HS6ST2: variants seen among roughly 807,000 people sequenced by gnomAD.
HS6ST2 encodes heparan sulfate 6-O-sulfotransferase 2.
In HS6ST2, 17 loss-of-function variants were observed where a neutral mutation model predicts 33.0. That is an observed-to-expected ratio of 0.52 (90% CI 0.35 to 0.77). HS6ST2 has a LOEUF of 0.77. Among genes scored for constraint, HS6ST2 ranks in the 30% least tolerant of loss-of-function variants. The pLI is 0.01. For missense variants in HS6ST2, 519 were observed against 551.7 expected, an observed-to-expected ratio of 0.94 and a Z score of 0.59; for synonymous variants, 248 against 237.1, an observed-to-expected ratio of 1.05 and a Z score of -0.42.
chrX:132,944,981 A>C (rs2066932254), intron 2 of HS6ST2, among the ~76,000 whole-genome samples: 1 of 112,189 alleles, frequency 8.9e-6, no homozygotes, highest in Non-Finnish European at 1.9e-5. Context: ...AAGCAATGAC[A>C]ACAAAAGCCA....
At chrX:132,705,735 C>T (rs113501536) in intron 3 of HS6ST2, among the ~76,000 whole-genome samples, 1 of 111,689 alleles carries the variant, frequency 9.0e-6, no homozygotes, top group Non-Finnish European at 1.9e-5. Flanking sequence ...AAAGTAGCAG[C>T]GCCAGGATTG....
At chrX:132,957,371 C>A in intron 1 of HS6ST2, 45 bp from the exon 2 acceptor site, 1 of 1,120,397 alleles carries the variant, frequency 8.9e-7, no homozygotes, top group Non-Finnish European at 1.2e-6. Flanking sequence ...CAGCTCAGCC[C>A]GCGCTCGTCG....
At chrX:132,823,524 G>C (rs1279171214) in intron 2 of HS6ST2, among the ~76,000 whole-genome samples, 1 of 109,213 alleles carries the variant, frequency 9.2e-6, no homozygotes, top group Non-Finnish European at 1.9e-5. Context: ...CAGAACAAAT[G>C]AATTTTGGTT....
chrX:132,723,789 T>A (rs759585105), intron 2 of HS6ST2, among the ~76,000 whole-genome samples: 1 of 111,940 alleles, frequency 8.9e-6, no homozygotes, highest in South Asian at 3.7e-4. Flanking sequence ...GTCACCACTG[T>A]TAACCAATAT....
At chrX:132,861,253 T>C (rs970590053) in intron 2 of HS6ST2, among the ~76,000 whole-genome samples, 1 of 112,523 alleles carries the variant, frequency 8.9e-6, no homozygotes, top group Non-Finnish European at 1.9e-5. Context: ...TGTGTCATAA[T>C]ATATTTAATG....
intron 2 of HS6ST2, among the ~76,000 whole-genome samples, chrX:132,948,551 C>T (rs2066978104): frequency 8.9e-6 from 1 of 112,059 alleles, no homozygotes; most frequent in African/African-American, 3.2e-5. Flanking sequence ...TAGTGTAATG[C>T]TCTGAAATGT....
intron 4 of HS6ST2, chrX:132,668,369 A>G (rs756830763): frequency 2.7e-5 from 3 of 110,641 alleles, no homozygotes; most frequent in Non-Finnish European, 5.7e-5. Context: ...GCCATTCACC[A>G]CAGGGTTGAA....
chrX:132,664,829 G>A (rs1187435948), intron 4 of HS6ST2, among the ~76,000 whole-genome samples: 1 of 111,564 alleles, frequency 9.0e-6, no homozygotes, highest in Non-Finnish European at 1.9e-5. Flanking sequence ...CTCAACTTTG[G>A]GCAATTTAAT....
At chrX:132,828,693 TAC>T (rs779585327) in intron 2 of HS6ST2, among the ~76,000 whole-genome samples, 7,722 of 72,526 alleles carry the variant, frequency 0.11, 597 homozygotes, top group Non-Finnish European at 0.12. Flanking sequence ...TATATATATA[TAC>T]ACACACACAC....
intron 2 of HS6ST2, among the ~76,000 whole-genome samples, chrX:132,894,416 C>CTTTGGG (rs2066350750): frequency 9.0e-6 from 1 of 110,836 alleles, no homozygotes; most frequent in Non-Finnish European, 1.9e-5. Context: ...GCTGGAATTA[C>CTTTGGG]AGGTGTGAGC....
chrX:132,632,310 AAG>A (rs1324883912), intron 4 of HS6ST2, among the ~76,000 whole-genome samples: 3 of 111,505 alleles, frequency 2.7e-5, no homozygotes, highest in Admixed American at 9.6e-5. Flanking sequence ...TGTAGAAAGA[AAG>A]AAAGATCTGC....
chrX:132,780,473 A>G (rs983981421), intron 2 of HS6ST2, among the ~76,000 whole-genome samples: 4 of 110,965 alleles, frequency 3.6e-5, no homozygotes, highest in African/African-American at 1.3e-4. Context: ...ATTCCATGAG[A>G]TAGACACTAG....
chrX:132,649,391 C>T, intron 4 of HS6ST2, among the ~76,000 whole-genome samples: 1 of 112,178 alleles, frequency 8.9e-6, no homozygotes, highest in East Asian at 2.8e-4. Flanking sequence ...CAAAAGCCCC[C>T]TAATGTGATT....
At position 132,782,080 on chromosome X, in the gene HS6ST2, T is replaced by C. The variant is rs144301727; in HGVS notation, c.948-73586A>G. Among the ~76,000 whole-genome samples, 1,061 of 111,739 alleles carry C rather than the reference T, an allele frequency of 9.5e-3. 17 individuals are homozygous for C. Among genetic ancestry groups the C allele is most frequent in the African/African-American group, 0.032 (974 of 30,747 alleles). On this transcript the variant is annotated intron_variant, in intron 2 of 4. Transcript: ENST00000370833. ...GAGGAGGGGTGATTCCATGATGAAA[T>C]CCATTTGGGATGCTGAAGTATGTAA...
At chrX:132,785,015 A>G (rs893698528) in intron 2 of HS6ST2, among the ~76,000 whole-genome samples, 4 of 111,852 alleles carry the variant, frequency 3.6e-5, no homozygotes, top group African/African-American at 1.3e-4. Flanking sequence ...GAGTCACTTC[A>G]GATTGCAGGC....
intron 2 of HS6ST2, among the ~76,000 whole-genome samples, chrX:132,812,977 AT>A (rs2065363311): frequency 2.7e-5 from 3 of 110,136 alleles, no homozygotes; most frequent in Admixed American, 9.8e-5. Context: ...GCCAAAATAA[AT>A]GCTCAACTTT....
intron 4 of HS6ST2, among the ~76,000 whole-genome samples, chrX:132,643,209 T>C (rs1305254851): frequency 8.9e-6 from 1 of 111,863 alleles, no homozygotes; most frequent in East Asian, 2.8e-4. Context: ...CTTTTTTTTT[T>C]TAAAGGGGCA....
intron 2 of HS6ST2, among the ~76,000 whole-genome samples, chrX:132,894,045 T>A (rs1399632093): frequency 9.1e-6 from 1 of 110,007 alleles, no homozygotes; most frequent in African/African-American, 3.3e-5. Flanking sequence ...ACTCAAGTGC[T>A]TTTGAGGGAA....
chrX:132,871,279 A>T (rs1438910523), intron 2 of HS6ST2, among the ~76,000 whole-genome samples: 1 of 112,089 alleles, frequency 8.9e-6, no homozygotes, highest in Non-Finnish European at 1.9e-5. Flanking sequence ...GAAACAACAG[A>T]TGCTGGAGAG....
Sources: allele counts gnomAD v4.1 joint callset (sites outside exome capture counted in the v4.1 genomes callset), GRCh38; gene constraint gnomAD v4.1.1; transcripts MANE v1.5; gene names NCBI Gene and HGNC (gene_info 2026-07-23, HGNC 2026-07-21).